Variants in ATG5 observed in about 807,000 individuals in gnomAD.
The protein encoded by ATG5 is autophagy related 5.
ATG5 carries 14 observed loss-of-function variants against 36.5 expected under a neutral mutation model. That is an observed-to-expected ratio of 0.38 (90% CI 0.25 to 0.60). The LOEUF (loss-of-function observed/expected upper bound fraction) is 0.60. ATG5 is among the 20% of genes least tolerant of loss of function. ATG5 has a pLI of 0.60. For missense variants in ATG5, 195 were observed against 326.7 expected (o/e 0.60, Z 3.11); for synonymous variants, 95 against 101.5 (o/e 0.94, Z 0.38).
At chr6:106,288,040 G>A (rs1438093617) in intron 4 of ATG5, among the ~76,000 whole-genome samples, 2 of 150,886 alleles carry the variant, frequency 1.3e-5, no homozygotes, top group East Asian at 1.9e-4. Flanking sequence ...GCATGGTCTC[G>A]GCTCACTGCA....
In ATG5 at chr6:106,318,087, T is replaced by C. The variant is rs567545118; in HGVS notation, c.-58-1821A>G. 3.9e-5 allele frequency among the ~76,000 whole-genome samples: 6 copies of C among 152,314 alleles called. No homozygotes were observed. In the East Asian group the frequency reaches 9.6e-4, roughly 24 times the overall value. On this transcript the variant is annotated intron_variant, in intron 1 of 7. Coordinates refer to ENST00000369076, the MANE Select transcript of ATG5 (RefSeq NM_004849.4). Reference sequence around the variant, plus strand: ...CAAGCTTAAAGTTGAAGTCACTATATTGTCACTATTGATATTATTTTTCTT... The same window carrying C: ...CAAGCTTAAAGTTGAAGTCACTATACTGTCACTATTGATATTATTTTTCTT...
At chr6:106,216,104 G>A (rs551585627) in intron 6 of ATG5, among the ~76,000 whole-genome samples, 54 of 152,222 alleles carry the variant, frequency 3.5e-4, no homozygotes, top group African/African-American at 1.2e-3. Flanking sequence ...ATAAGCGTTG[G>A]CAAGGATGTG....
chr6:106,311,411 G>A (rs1770641775), intron 2 of ATG5, among the ~76,000 whole-genome samples: 1 of 152,228 alleles, frequency 6.6e-6, no homozygotes, highest in South Asian at 2.1e-4. Flanking sequence ...TTAAGGCAAA[G>A]AGTCAAAAGA....
At chr6:106,235,813 CAAAA>C (rs35220054) in intron 6 of ATG5, among the ~76,000 whole-genome samples, 5 of 147,584 alleles carry the variant, frequency 3.4e-5, no homozygotes, top group Non-Finnish European at 7.5e-5. Flanking sequence ...ATTGCAACTG[CAAAA>C]AAAAAATAGC....
chr6:106,233,588 G>A (rs1046748510), intron 6 of ATG5, among the ~76,000 whole-genome samples: 1 of 152,322 alleles, frequency 6.6e-6, no homozygotes, highest in Admixed American at 6.5e-5. Flanking sequence ...GTGGCAAAGG[G>A]TTGGCCTCAT....
At chr6:106,229,339 C>T (rs1405255469) in intron 6 of ATG5, among the ~76,000 whole-genome samples, 3 of 152,082 alleles carry the variant, frequency 2.0e-5, no homozygotes, top group East Asian at 1.9e-4. Context: ...CTTGCCAGGG[C>T]CCCAAGTTTG....
At chr6:106,246,423 C>T (rs900278541) in intron 6 of ATG5, among the ~76,000 whole-genome samples, 1 of 149,512 alleles carries the variant, frequency 6.7e-6, no homozygotes, top group Non-Finnish European at 1.5e-5. Context: ...CACACACACA[C>T]ACACACACCC....
intron 6 of ATG5, among the ~76,000 whole-genome samples, chr6:106,226,360 T>C (rs1044120731): frequency 6.6e-6 from 1 of 152,164 alleles, no homozygotes; most frequent in African/African-American, 2.4e-5. Context: ...TATTCTGTTA[T>C]ACTATATAAA....
At chr6:106,286,588 A>C (rs1457209961) in intron 4 of ATG5, among the ~76,000 whole-genome samples, 1 of 152,208 alleles carries the variant, frequency 6.6e-6, no homozygotes, top group African/African-American at 2.4e-5. Flanking sequence ...GCATGTGGGC[A>C]GAACCTGTGA....
At position 106,297,717 on chromosome 6, in the gene ATG5, A is replaced by C. The variant is rs866766452; in HGVS notation, c.237-4611T>G. Among the ~76,000 whole-genome samples, 501 of 135,524 alleles carry C rather than the reference A, an allele frequency of 3.7e-3. 2 individuals are homozygous for C. The highest frequency in any genetic ancestry group is 5.7e-3 in the Non-Finnish European group (360 of 63,120). The allele number at this position is 135,524 out of a possible 152,430, so 88.9% of individuals were successfully genotyped here. A position where few individuals can be genotyped will look rare whatever the true frequency, so the allele number is the denominator to read the frequency against. On this transcript the variant is annotated intron_variant, in intron 3 of 7. Transcript: ENST00000369076. ...TCTAAATTATTTGCAAAATGACTTA[A>C]ACACACACACACACACACACACACA...
chr6:106,210,071 T>G (rs1210216643), intron 6 of ATG5, among the ~76,000 whole-genome samples: 1 of 152,214 alleles, frequency 6.6e-6, no homozygotes, highest in African/African-American at 2.4e-5. Context: ...ACTTTTAACC[T>G]TTCAACCTAC....
At chr6:106,240,275 T>C (rs954357913) in intron 6 of ATG5, among the ~76,000 whole-genome samples, 5 of 150,240 alleles carry the variant, frequency 3.3e-5, no homozygotes, top group African/African-American at 1.2e-4. Flanking sequence ...TATACAGTTA[T>C]ATTTTGCAAT....
rs555674181 is a variant in ATG5 at position 106,243,297 on chromosome 6, C to T, written c.573+4853G>A. Among the ~76,000 whole-genome samples, 6 of 152,248 alleles carry T rather than the reference C, an allele frequency of 3.9e-5. No individual in the cohort carries two copies. In the East Asian group the frequency reaches 1.2e-3, roughly 29 times the overall value. ...GAATTCTGAGGATTATGAAAGTAAA[C>T]AAAACGAAGTTCAAATTCTACTTTA... On this transcript the variant is annotated intron_variant, in intron 6 of 7. Coordinates refer to ENST00000369076, the MANE Select transcript of ATG5 (RefSeq NM_004849.4).
At chr6:106,228,758 G>A (rs527681879) in intron 6 of ATG5, among the ~76,000 whole-genome samples, 2 of 152,100 alleles carry the variant, frequency 1.3e-5, no homozygotes, top group Admixed American at 1.3e-4. Flanking sequence ...GAAAATACTG[G>A]GCACCTGTCG....
At chr6:106,318,121 A>C (rs947363454) in intron 1 of ATG5, among the ~76,000 whole-genome samples, 15 of 152,196 alleles carry the variant, frequency 9.9e-5, no homozygotes, top group Non-Finnish European at 1.3e-4. Context: ...TTCTCAGAAG[A>C]AGCAGATAGA....
intron 6 of ATG5, among the ~76,000 whole-genome samples, chr6:106,238,814 A>G (rs1313463566): frequency 6.6e-6 from 1 of 152,218 alleles, no homozygotes; most frequent in Admixed American, 6.5e-5. Flanking sequence ...CTTGATGAGT[A>G]AAATGGGTAG....
intron 4 of ATG5, among the ~76,000 whole-genome samples, chr6:106,291,251 ATAAT>A (rs1209928794): frequency 4.6e-5 from 7 of 152,238 alleles, no homozygotes; most frequent in Admixed American, 4.6e-4. Flanking sequence ...AAAATTAATA[ATAAT>A]TAATACTTTG....
intron 5 of ATG5, among the ~76,000 whole-genome samples, chr6:106,259,902 A>G (rs1778946536): frequency 6.6e-6 from 1 of 152,220 alleles, no homozygotes; most frequent in Non-Finnish European, 1.5e-5. Context: ...AATGTGGCAC[A>G]TATAAACCAT....
intron 3 of ATG5, among the ~76,000 whole-genome samples, chr6:106,296,377 ATT>A (rs1769934231): frequency 6.6e-6 from 1 of 151,922 alleles, no homozygotes; most frequent in African/African-American, 2.4e-5. Flanking sequence ...TTTCATCATT[ATT>A]TGTCAATTAT....
Sources: allele counts gnomAD v4.1 joint callset (sites outside exome capture counted in the v4.1 genomes callset), GRCh38; gene constraint gnomAD v4.1.1; transcripts MANE v1.5; gene names NCBI Gene and HGNC (gene_info 2026-07-23, HGNC 2026-07-21).